The following OPHN1 variants were observed in gnomAD, a reference collection of about 807,000 sequenced individuals.
OPHN1 encodes the protein oligophrenin-1.
OPHN1 carries 11 observed loss-of-function variants against 60.7 expected under a neutral mutation model. The observed-to-expected ratio is 0.18, with a 90% CI of 0.11 to 0.30. The LOEUF is 0.30. Ranked by LOEUF, OPHN1 falls within the 10% of genes least tolerant of loss-of-function variation. The pLI is 1.00. For synonymous variants in OPHN1, 226 were observed against 222.6 expected (o/e 1.02, Z -0.14); for missense variants, 449 against 611.0 (o/e 0.73, Z 2.80).
intron 16 of OPHN1, among the ~76,000 whole-genome samples, chrX:68,114,027 TG>T (rs2077116981): frequency 9.2e-6 from 1 of 108,419 alleles, no homozygotes; most frequent in Non-Finnish European, 1.9e-5. Context: ...CCTGGCATTG[TG>T]CCAGGTACTG....
chrX:68,419,279 G>A (rs1443280381), intron 2 of OPHN1, among the ~76,000 whole-genome samples: 1 of 108,875 alleles, frequency 9.2e-6, no homozygotes, highest in Non-Finnish European at 1.9e-5. Flanking sequence ...CTCCCAAAGT[G>A]CTGGGATTAT....
At chrX:68,155,720 C>A (rs750009076) in intron 15 of OPHN1, among the ~76,000 whole-genome samples, 3 of 111,881 alleles carry the variant, frequency 2.7e-5, no homozygotes, top group East Asian at 2.8e-4. Flanking sequence ...TGGACATACT[C>A]TGCCCTGTGT....
At chrX:68,066,332 G>C (rs924936871) in intron 20 of OPHN1, among the ~76,000 whole-genome samples, 1 of 111,704 alleles carries the variant, frequency 9.0e-6, no homozygotes, top group Non-Finnish European at 1.9e-5. Context: ...AAGGTTGCCT[G>C]TGCCCTACAG....
At position 68,206,663 on chromosome X, in the gene OPHN1, T is replaced by C; in HGVS notation, c.843A>G (p.Gly281=). The C allele has an allele frequency of 8.4e-7, 1 of 1,195,023 alleles. No individual in the cohort carries two copies. The highest frequency in any genetic ancestry group is 1.1e-6 in the Non-Finnish European group (1 of 880,163). ...YLYTQEKWAL[G]ISWVKYYCQY... Reference sequence around the variant, plus strand: ...GGCAATAGTATTTCACCCAGGATATTCCTAAAGCCCCTACAAGGACAAGTA... The same window carrying C: ...GGCAATAGTATTTCACCCAGGATATCCCTAAAGCCCCTACAAGGACAAGTA... Residue 281 remains glycine, a synonymous_variant, in exon 10 of 25, where the codon GGA becomes GGG. Transcript: ENST00000355520.
chrX:68,079,209 T>C (rs1178351790), intron 19 of OPHN1, among the ~76,000 whole-genome samples: 2 of 110,378 alleles, frequency 1.8e-5, no homozygotes, highest in Non-Finnish European at 3.8e-5. Context: ...CTTACAATAC[T>C]GTTTCTCAAA....
At chrX:68,111,536 G>T (rs1271651791) in intron 18 of OPHN1, among the ~76,000 whole-genome samples, 1 of 112,389 alleles carries the variant, frequency 8.9e-6, no homozygotes, top group East Asian at 2.8e-4. Flanking sequence ...AACAGACTCA[G>T]AGAGGTTTGC....
At chrX:68,338,526 G>A (rs1404868940) in intron 2 of OPHN1, among the ~76,000 whole-genome samples, 1 of 111,595 alleles carries the variant, frequency 9.0e-6, no homozygotes, top group Non-Finnish European at 1.9e-5. Flanking sequence ...AGACAAATTA[G>A]AAAATATTTT....
At chrX:68,319,092 T>C (rs765749292) in intron 2 of OPHN1, among the ~76,000 whole-genome samples, 15 of 111,980 alleles carry the variant, frequency 1.3e-4, no homozygotes, top group Admixed American at 1.3e-3. Context: ...CTTTCCATAC[T>C]GCATCTTAGG....
chrX:68,188,398 AGTG>A (rs2077472823), intron 15 of OPHN1, among the ~76,000 whole-genome samples: 1 of 112,421 alleles, frequency 8.9e-6, no homozygotes, highest in Non-Finnish European at 1.9e-5. Flanking sequence ...TTCAAACTCT[AGTG>A]GTACTATTTC....
intron 24 of OPHN1, 119 bp downstream of exon 24, chrX:68,048,297 C>T (rs745720524): frequency 3.2e-5 from 19 of 590,659 alleles, no homozygotes; most frequent in East Asian, 2.8e-4. Flanking sequence ...TGAACTGAGG[C>T]GTAGAAGTGA....
intron 2 of OPHN1, among the ~76,000 whole-genome samples, chrX:68,427,141 C>T (rs1193153144): frequency 9.6e-6 from 1 of 104,086 alleles, no homozygotes; most frequent in Admixed American, 1.1e-4. Flanking sequence ...TGGTGGCATG[C>T]GCCTGTAGTC....
At chrX:68,112,082 CACACACAG>C (rs2077107337) in intron 17 of OPHN1, 123 bp from the exon 18 acceptor site, 8 of 420,058 alleles carry the variant, frequency 1.9e-5, no homozygotes, top group South Asian at 1.4e-4. Flanking sequence ...CACACACACA[CACACACAG>C]AGAGAGATTC....
intron 3 of OPHN1, among the ~76,000 whole-genome samples, chrX:68,297,196 ATATCT>A (rs1230707184): frequency 1.8e-5 from 2 of 111,932 alleles, no homozygotes; most frequent in Non-Finnish European, 3.8e-5. Flanking sequence ...AAGTACAAAA[ATATCT>A]TATATTAATA....
chrX:68,382,418 T>A (rs2078601974), intron 2 of OPHN1, among the ~76,000 whole-genome samples: 1 of 111,751 alleles, frequency 8.9e-6, no homozygotes, highest in Non-Finnish European at 1.9e-5. Context: ...AATCTAGGAT[T>A]CACCATGTAC....
chrX:68,206,444 G>A lies in OPHN1; in HGVS notation c.933+129C>T, dbSNP rs2077559743. The A allele has an allele frequency of 5.6e-6, 3 of 539,470 alleles. No individual in the cohort carries two copies. In the East Asian group the frequency reaches 1.1e-4, roughly 19 times the overall value. The allele number at this position is 539,470 out of a possible 1,213,427, so 44.5% of individuals were successfully genotyped here. A position where few individuals can be genotyped will look rare whatever the true frequency, so the allele number is the denominator to read the frequency against. On this transcript the variant is annotated intron_variant, in intron 10 of 24. Coordinates refer to ENST00000355520, the MANE Select transcript of OPHN1 (RefSeq NM_002547.3). ...ATCTGACTCAAACTTAGGCCAAGGT[G>A]TACATATAAAGTCATGGCCTCACGT...
chrX:68,147,946 T>C (rs2077270463), intron 15 of OPHN1, among the ~76,000 whole-genome samples: 2 of 111,871 alleles, frequency 1.8e-5, no homozygotes, highest in African/African-American at 6.5e-5. Flanking sequence ...GCTTTTGACT[T>C]GAGCACCATC....
intron 15 of OPHN1, among the ~76,000 whole-genome samples, chrX:68,124,724 C>CA (rs1277484183): frequency 9.0e-6 from 1 of 110,879 alleles, no homozygotes; most frequent in African/African-American, 3.3e-5. Context: ...TGGCTCACTG[C>CA]AGTCTCAGCC....
chrX:68,334,102 T>A (rs758460644), intron 2 of OPHN1, among the ~76,000 whole-genome samples: 1 of 110,266 alleles, frequency 9.1e-6, no homozygotes, highest in Admixed American at 9.8e-5. Flanking sequence ...TTCGCCATGT[T>A]GTCCAGGCTG....
intron 5 of OPHN1, among the ~76,000 whole-genome samples, chrX:68,244,789 A>G (rs1347085785): frequency 3.6e-5 from 4 of 111,857 alleles, no homozygotes; most frequent in Non-Finnish European, 7.5e-5. Context: ...ACCTCTTTGA[A>G]TCCTCATACA....
Sources: gnomAD v4.1 joint callset for allele counts (sites outside exome capture counted in the v4.1 genomes callset) on GRCh38, gnomAD v4.1.1 for gene constraint, MANE v1.5 for transcripts, NCBI Gene and HGNC (gene_info 2026-07-23, HGNC 2026-07-21) for gene names.